PSG9: variants seen among roughly 807,000 people sequenced by gnomAD.
PSG9 encodes the protein pregnancy specific beta-1-glycoprotein 9.
Under a neutral mutation model 41.9 loss-of-function variants are expected in PSG9, and 49 were observed. That is an observed-to-expected ratio of 1.17 (90% CI 0.93 to 1.48). PSG9 has a LOEUF of 1.48. Ranked by LOEUF, PSG9 falls within the 40% of genes most tolerant of loss-of-function variation. The probability of loss-of-function intolerance (pLI) is 0.00; values close to 1 mark genes in which losing one functional copy is unlikely to be tolerated. For synonymous variants in PSG9, 263 were observed against 196.8 expected, an observed-to-expected ratio of 1.34 and a Z score of -2.82; for missense variants, 641 against 520.3, an observed-to-expected ratio of 1.23 and a Z score of -2.26.
At chr19:43,268,907 C>T (rs1380190862) in intron 1 of PSG9, among the ~76,000 whole-genome samples, 3 of 152,184 alleles carry the variant, frequency 2.0e-5, no homozygotes, top group African/African-American at 7.2e-5. Flanking sequence ...ATTTTCCTAC[C>T]TCTTACCAAT....
chr19:43,269,262 C>T (rs1969133811), intron 1 of PSG9, 106 bp downstream of exon 1: 16 of 1,578,218 alleles, frequency 1.0e-5, no homozygotes, highest in Middle Eastern at 2.1e-4. Flanking sequence ...CCTCAGCCTC[C>T]CTAAGAGCTG....
chr19:43,263,495 A>G (rs1348445027), intron 2 of PSG9, among the ~76,000 whole-genome samples: 1 of 151,686 alleles, frequency 6.6e-6, no homozygotes, highest in Non-Finnish European at 1.5e-5. Flanking sequence ...CAGATTGTGG[A>G]TTTCTGGATT....
At position 43,267,843 on chromosome 19, in the gene PSG9, A is replaced by T; in HGVS notation, c.371T>A (p.Ile124Asn). The stretch of plus-strand genomic sequence containing the variant: ...TCTAGTCTCATCACCTCGCTTTATG[A>T]TGTGTAAGGTGTAGGTTCCTGCATC... ...RKDAGTYTLH[I>N]IKRGDETREE... The change falls in exon 2 of 6, where the codon ATC (isoleucine) becomes AAC (asparagine). Residue 124 changes from isoleucine (I) to asparagine (N), a missense_variant. Coordinates refer to ENST00000270077, the MANE Select transcript of PSG9 (RefSeq NM_002784.5). The T allele has an allele frequency of 6.2e-7, 1 of 1,613,590 alleles. No homozygotes were observed. The highest frequency in any genetic ancestry group is 1.3e-5 in the African/African-American group (1 of 74,976).
intron 3 of PSG9, chr19:43,260,850 A>G (rs1306018493): frequency 1.3e-5 from 2 of 152,122 alleles, no homozygotes; most frequent in African/African-American, 4.8e-5. Flanking sequence ...ATGTCTTTCC[A>G]TATATTGATA....
In PSG9 at chr19:43,269,327, G is replaced by C. The variant is rs371905704; in HGVS notation, c.64+41C>G. ...CCAGGAGACCCCATCCAGTCACTCC[G>C]CTTCCTCCCCCTGTCCTCTCCCAGG... is the stretch of plus-strand genomic sequence containing the variant. On this transcript the variant is annotated intron_variant, in intron 1 of 5. Coordinates refer to ENST00000270077, the MANE Select transcript of PSG9 (RefSeq NM_002784.5). 48 of 1,612,384 alleles carry C rather than the reference G, an allele frequency of 3.0e-5. 1 individual carries two copies. The African/African-American group carries it at 5.6e-4, about 19-fold the overall frequency.
At position 43,259,096 on chromosome 19, in the gene PSG9, T is replaced by C. The variant is rs1284571688; in HGVS notation, c.749A>G (p.Asn250Ser). The C allele has an allele frequency of 6.3e-7, 1 of 1,589,798 alleles. No individual in the cohort carries two copies. Among genetic ancestry groups the C allele is most frequent in the African/African-American group, 1.4e-5 (1 of 70,222 alleles). Residue 250 changes from asparagine to serine, a missense_variant, in exon 4 of 6, where the codon AAC becomes AGC. By Grantham distance (46) the Asn-to-Ser change is conservative. Transcript: ENST00000270077. ...PIPYITINNLNPRENKDVLAF... is the reference protein window; with the variant it reads ...PIPYITINNLSPRENKDVLAF... The stretch of plus-strand genomic sequence containing the variant: ...TAAGACATCCTTATTCTCCCTGGGG[T>C]TTAAGTTGTTGATGGTGATGTAGGG...
chr19:43,261,781 G>T, intron 3 of PSG9, 79 bp downstream of exon 3: 1 of 1,613,786 alleles, frequency 6.2e-7, no homozygotes, highest in East Asian at 2.2e-5. Flanking sequence ...TTGGACCTGA[G>T]AGGGACTGAG....
At chr19:43,264,494 GTC>G (rs1323620991) in intron 2 of PSG9, among the ~76,000 whole-genome samples, 1 of 151,686 alleles carries the variant, frequency 6.6e-6, no homozygotes, top group Non-Finnish European at 1.5e-5. Context: ...GTCTCGCTCT[GTC>G]ACCCTGACTG....
intron 3 of PSG9, chr19:43,260,272 C>T (rs866962324): frequency 5.4e-5 from 8 of 147,034 alleles, no homozygotes; most frequent in Non-Finnish European, 1.2e-4. Flanking sequence ...AGCTTGATGC[C>T]TATAGTTCAC....
chr19:43,263,618 C>T (rs1055702507), intron 2 of PSG9, among the ~76,000 whole-genome samples: 3 of 151,316 alleles, frequency 2.0e-5, no homozygotes, highest in Non-Finnish European at 2.9e-5. Context: ...TTGGAGGAAA[C>T]ATTAAAATGT....
chr19:43,267,806 T>G lies in PSG9; in HGVS notation c.408A>C (p.Arg136=). The G allele has an allele frequency of 6.2e-7, 1 of 1,613,118 alleles. No homozygotes were observed. Among genetic ancestry groups the G allele is most frequent in the African/African-American group, 1.3e-5 (1 of 74,986 alleles). The change falls in exon 2 of 6, where the codon CGA becomes CGC. Residue 136 remains arginine (R), a synonymous_variant. Transcript: ENST00000270077. The part of the protein sequence containing the change: ...KRGDETREEI[R]HFTFTLYLET... ...CACAGTATAAGGTGAAGGTGAAATG[T>G]CGAATTTCTTCTCTAGTCTCATCAC...
chr19:43,256,654 A>C (rs1474819640), intron 5 of PSG9, among the ~76,000 whole-genome samples: 1 of 146,664 alleles, frequency 6.8e-6, no homozygotes, highest in Non-Finnish European at 1.5e-5. Context: ...ACCTCACACA[A>C]TTTAGGATGG....
At chr19:43,255,578 T>C (rs1364734006) in intron 5 of PSG9, among the ~76,000 whole-genome samples, 2 of 146,750 alleles carry the variant, frequency 1.4e-5, no homozygotes, top group African/African-American at 2.6e-5. Flanking sequence ...TTTCTGTTTA[T>C]AGATAACTTG....
At chr19:43,257,882 T>G (rs1377207935) in intron 5 of PSG9, 17 of 1,391,530 alleles carry the variant, frequency 1.2e-5, no homozygotes, top group Non-Finnish European at 1.6e-5. Context: ...GATGTGTCGG[T>G]GACAGCGAGA....
chr19:43,255,459 A>G lies in PSG9; in HGVS notation c.1244-1813T>C, dbSNP rs546825292. ...CTGTATGAGCAGTAACAAGACAAGG[A>G]TGCCTGCTTTTGACACTTTTATTCA... On this transcript the variant is annotated intron_variant, in intron 5 of 5. Coordinates refer to ENST00000270077, the MANE Select transcript of PSG9 (RefSeq NM_002784.5). 8.5e-4 allele frequency among the ~76,000 whole-genome samples: 125 copies of G among 146,788 alleles called. 5 individuals are homozygous for G. Among genetic ancestry groups the G allele is most frequent in the Non-Finnish European group, 1.4e-3 (95 of 67,438 alleles).
intron 2 of PSG9, among the ~76,000 whole-genome samples, chr19:43,265,547 C>A (rs1036768854): frequency 1.3e-5 from 2 of 152,102 alleles, no homozygotes; most frequent in African/African-American, 4.8e-5. Flanking sequence ...CAGCAGTACT[C>A]ATTTTTTAGT....
At chr19:43,261,562 C>A (rs183886464) in intron 3 of PSG9, among the ~76,000 whole-genome samples, 1 of 152,326 alleles carries the variant, frequency 6.6e-6, no homozygotes, top group East Asian at 1.9e-4. Context: ...AGTCGCAACA[C>A]TGAAGTCCCA....
chr19:43,267,156 T>G (rs1969008879), intron 2 of PSG9, among the ~76,000 whole-genome samples: 1 of 152,138 alleles, frequency 6.6e-6, no homozygotes, highest in East Asian at 1.9e-4. Flanking sequence ...TTGGCTGATG[T>G]CCTACAAAGC....
At chr19:43,267,061 TG>T (rs1969003386) in intron 2 of PSG9, among the ~76,000 whole-genome samples, 1 of 152,184 alleles carries the variant, frequency 6.6e-6, no homozygotes. Context: ...GTGGACAAGC[TG>T]CTACCAGGTA....
Sources: allele counts gnomAD v4.1 joint callset (sites outside exome capture counted in the v4.1 genomes callset), GRCh38; gene constraint gnomAD v4.1.1; transcripts MANE v1.5; gene names NCBI Gene and HGNC (gene_info 2026-07-23, HGNC 2026-07-21).